The following ASIC2 variants were observed in gnomAD, a reference collection of about 807,000 sequenced individuals.
ASIC2 encodes acid-sensing ion channel 2.
A neutral mutation model predicts 57.3 loss-of-function variants in ASIC2; 25 were observed. The observed-to-expected ratio is 0.44, with a 90% CI of 0.32 to 0.61. The LOEUF is 0.61. Ranked by LOEUF, ASIC2 falls within the 20% of genes least tolerant of loss-of-function variation. The probability of loss-of-function intolerance (pLI) is 0.06; values close to 1 mark genes in which losing one functional copy is unlikely to be tolerated. For synonymous variants in ASIC2, 319 were observed against 307.5 expected (o/e 1.04, Z -0.39); for missense variants, 641 against 738.1 (o/e 0.87, Z 1.52).
chr17:33,588,917 A>G (rs560392078), intron 1 of ASIC2, among the ~76,000 whole-genome samples: 1 of 152,340 alleles, frequency 6.6e-6, no homozygotes, highest in South Asian at 2.1e-4. Flanking sequence ...CAGTCAATTC[A>G]CTTGCTGTGT....
In ASIC2 at chr17:33,496,052, A is replaced by G. The variant is rs576169676; in HGVS notation, c.556-383985T>C. Among the ~76,000 whole-genome samples the G allele has an allele frequency of 5.8e-4, 89 of 152,308 alleles. 1 individual carries two copies. In the South Asian group the frequency reaches 8.1e-3, roughly 14 times the overall value. ...CACATCACAGTCTTTCCCTACAAGCATTGGCCAAGTTTTGTGGAACTTTGG... is the reference window on the plus strand; with the variant it reads ...CACATCACAGTCTTTCCCTACAAGCGTTGGCCAAGTTTTGTGGAACTTTGG... On this transcript the variant is annotated intron_variant, in intron 1 of 9. Coordinates refer to the ASIC2 transcript ENST00000359872.
At chr17:33,091,229 T>C (rs1171632187) in intron 2 of ASIC2, among the ~76,000 whole-genome samples, 1 of 152,172 alleles carries the variant, frequency 6.6e-6, no homozygotes, top group African/African-American at 2.4e-5. Context: ...GGTTGAATAG[T>C]CATCTTTCAG....
intron 1 of ASIC2, among the ~76,000 whole-genome samples, chr17:33,358,847 T>A (rs1465280242): frequency 6.6e-6 from 1 of 152,196 alleles, no homozygotes; most frequent in Non-Finnish European, 1.5e-5. Flanking sequence ...TAACACGGAA[T>A]GATGTGAACC....
At chr17:34,143,626 G>T (rs1912332680) in intron 1 of ASIC2, among the ~76,000 whole-genome samples, 1 of 152,194 alleles carries the variant, frequency 6.6e-6, no homozygotes, top group South Asian at 2.1e-4. Flanking sequence ...ATATTCAGGT[G>T]GTTTCTGGGC....
At chr17:33,516,407 A>AGTGTGTGTGT (rs113344287) in intron 1 of ASIC2, among the ~76,000 whole-genome samples, 14 of 148,342 alleles carry the variant, frequency 9.4e-5, no homozygotes, top group Admixed American at 5.4e-4. Flanking sequence ...TGTGAGTGTG[A>AGTGTGTGTGT]GTGTGTGTGT....
chr17:33,438,054 C>T (rs1454351322), intron 1 of ASIC2, among the ~76,000 whole-genome samples: 1 of 152,136 alleles, frequency 6.6e-6, no homozygotes, highest in African/African-American at 2.4e-5. Context: ...TAACCAGAAG[C>T]CCTCTGGGGT....
chr17:34,008,494 T>G (rs1483985523), intron 1 of ASIC2, among the ~76,000 whole-genome samples: 1 of 152,180 alleles, frequency 6.6e-6, no homozygotes, highest in African/African-American at 2.4e-5. Context: ...GACTGGTATG[T>G]AGTAGCTCCC....
chr17:33,096,001 C>G, intron 2 of ASIC2, among the ~76,000 whole-genome samples: 1 of 152,238 alleles, frequency 6.6e-6, no homozygotes, highest in East Asian at 1.9e-4. Context: ...CTGGCTACCA[C>G]TGTCAAGCAC....
intron 1 of ASIC2, among the ~76,000 whole-genome samples, chr17:34,152,089 G>C (rs1207373000): frequency 6.6e-6 from 1 of 151,958 alleles, no homozygotes; most frequent in Non-Finnish European, 1.5e-5. Context: ...GAATTCCAAA[G>C]ATGTGATCTT....
At chr17:33,736,466 C>T (rs1015310680) in intron 1 of ASIC2, among the ~76,000 whole-genome samples, 2 of 152,144 alleles carry the variant, frequency 1.3e-5, no homozygotes, top group African/African-American at 4.8e-5. Flanking sequence ...AAGACAGCCC[C>T]CTGCCTCAGT....
intron 1 of ASIC2, among the ~76,000 whole-genome samples, chr17:33,787,002 T>C (rs1216583979): frequency 6.6e-6 from 1 of 152,192 alleles, no homozygotes; most frequent in East Asian, 1.9e-4. Flanking sequence ...GAAATCAAGC[T>C]TCTTGGATGG....
intron 1 of ASIC2, among the ~76,000 whole-genome samples, chr17:33,131,356 C>T (rs573072952): frequency 1.3e-5 from 2 of 152,104 alleles, no homozygotes; most frequent in Non-Finnish European, 2.9e-5. Context: ...CTCTCCATGC[C>T]CTGGATCCCT....
intron 3 of ASIC2, among the ~76,000 whole-genome samples, chr17:33,072,943 G>A (rs1022341689): frequency 6.6e-6 from 1 of 152,230 alleles, no homozygotes; most frequent in African/African-American, 2.4e-5. Flanking sequence ...TCCCAGGCGA[G>A]CCTCTGTGCT....
chr17:33,754,656 T>TTCCC (rs771631365), intron 1 of ASIC2, among the ~76,000 whole-genome samples: 26 of 152,164 alleles, frequency 1.7e-4, no homozygotes, highest in Non-Finnish European at 3.1e-4. Flanking sequence ...AGTATATGTG[T>TTCCC]TAAAGAACAG....
chr17:33,291,900 C>T lies in ASIC2; in HGVS notation c.216G>A (p.Met72Ile). The change falls in exon 1 of 10, where the codon ATG (methionine) becomes ATA (isoleucine). Residue 72 changes from methionine to isoleucine, a missense_variant. Met to Ile is a conservative substitution (Grantham distance 10). Transcript: ENST00000225823. The part of the protein sequence containing the change: ...SRAKLHGLRH[M>I]CAGRTAAGGS... ...CCCCAGCCGCCGTGCGCCCGGCACA[C>T]ATGTGCCGCAGCCCGTGCAGTTTAG... 1.9e-6 allele frequency: 3 copies of T among 1,599,384 alleles called. No homozygotes were observed. Among genetic ancestry groups the T allele is most frequent in the South Asian group, 2.2e-5 (2 of 90,514 alleles).
In ASIC2 at chr17:33,452,592, C is replaced by T. The variant is rs181736029; in HGVS notation, c.556-340525G>A. ...TTCCTGGGCCCACGACATAGTCTGA[C>T]GACAGAATGGGAACAAAGTGGACTT... On this transcript the variant is annotated intron_variant, in intron 1 of 9. Coordinates refer to the ASIC2 transcript ENST00000359872. 3.3e-3 allele frequency among the ~76,000 whole-genome samples: 510 copies of T among 152,244 alleles called. 1 individual carries two copies. The highest frequency in any genetic ancestry group is 6.8e-3 in the African/African-American group (282 of 41,542).
chr17:33,747,942 G>C (rs1159543445), intron 1 of ASIC2, among the ~76,000 whole-genome samples: 1 of 152,224 alleles, frequency 6.6e-6, no homozygotes, highest in Non-Finnish European at 1.5e-5. Context: ...CTAATTCAGT[G>C]TGTAACATGA....
At chr17:33,969,862 G>C (rs1162938556) in intron 1 of ASIC2, among the ~76,000 whole-genome samples, 7 of 152,100 alleles carry the variant, frequency 4.6e-5, no homozygotes, top group Non-Finnish European at 1.0e-4. Context: ...GGATACAGGT[G>C]AGGCACCAAC....
intron 1 of ASIC2, among the ~76,000 whole-genome samples, chr17:33,439,740 TGTAAACA>T (rs1349463389): frequency 4.6e-5 from 7 of 152,326 alleles, no homozygotes; most frequent in Admixed American, 2.6e-4. Context: ...ACTGGACATT[TGTAAACA>T]TCTTCGGGAG....
Sources: gnomAD v4.1 joint callset for allele counts (sites outside exome capture counted in the v4.1 genomes callset) on GRCh38, gnomAD v4.1.1 for gene constraint, MANE v1.5 for transcripts, NCBI Gene and HGNC (gene_info 2026-07-23, HGNC 2026-07-21) for gene names.